HCN4: variants seen among roughly 807,000 people sequenced by gnomAD.
The protein encoded by HCN4 is hyperpolarization activated cyclic nucleotide gated potassium channel 4.
Under a neutral mutation model 76.9 loss-of-function variants are expected in HCN4, and 29 were observed. The observed-to-expected ratio is 0.38, with a 90% CI of 0.28 to 0.51. The LOEUF (loss-of-function observed/expected upper bound fraction) is 0.51, where lower values mean the gene tolerates loss of function less well. Among genes scored for constraint, HCN4 ranks in the 20% least tolerant of loss-of-function variants. The probability of loss-of-function intolerance (pLI) is 0.90; values close to 1 mark genes in which losing one functional copy is unlikely to be tolerated. For missense variants in HCN4, 1,416 were observed against 1,715.2 expected, an observed-to-expected ratio of 0.83 and a Z score of 3.08; for synonymous variants, 772 against 762.5, an observed-to-expected ratio of 1.01 and a Z score of -0.21.
chr15:73,352,898 G>T (rs952484750), intron 1 of HCN4, among the ~76,000 whole-genome samples: 1 of 152,184 alleles, frequency 6.6e-6, no homozygotes, highest in African/African-American at 2.4e-5. Flanking sequence ...GCTCCCCAAG[G>T]GCAGAAATGA....
chr15:73,346,951 G>A (rs756087584), intron 1 of HCN4, among the ~76,000 whole-genome samples: 35 of 152,178 alleles, frequency 2.3e-4, no homozygotes, highest in Non-Finnish European at 4.0e-4. Context: ...CCGTTCAGTG[G>A]GTTTAGCCAG....
In HCN4 at chr15:73,326,918, C is replaced by T. The variant is rs183556437; in HGVS notation, c.1591-1474G>A. Among the ~76,000 whole-genome samples, 515 of 151,842 alleles carry T rather than the reference C, an allele frequency of 3.4e-3. 2 individuals are homozygous for T. Among genetic ancestry groups the T allele is most frequent in the African/African-American group, 0.012 (492 of 41,444 alleles). The stretch of plus-strand genomic sequence containing the variant: ...TCTCCCATCTCAGCCTCCTAAACAG[C>T]TGGCACTATAGGCACATGCCACCAC... On this transcript the variant is annotated intron_variant, in intron 4 of 7. Coordinates refer to ENST00000261917, the MANE Select transcript of HCN4 (RefSeq NM_005477.3).
rs758405542 is a variant in HCN4, at chr15:73,354,778, CCAT to C, written c.786-10973_786-10971del. 3.3e-4 allele frequency among the ~76,000 whole-genome samples: 50 copies of C among 151,772 alleles called. No individual in the cohort carries two copies. In the East Asian group the frequency reaches 5.0e-3, roughly 15 times the overall value. ...GCCATTATCCCCATCATCATCATCC[CCAT>C]CATCATCATCATCATCATCATTCTA... On this transcript the variant is annotated intron_variant, in intron 1 of 7. Transcript: ENST00000261917.
intron 7 of HCN4, 51 bp from the exon 8 acceptor site, chr15:73,324,000 C>T: frequency 6.2e-7 from 1 of 1,611,536 alleles, no homozygotes; most frequent in Middle Eastern, 1.7e-4. Context: ...GGAAGGAGAT[C>T]AGGTGCAGAC....
At chr15:73,332,327 G>T in intron 2 of HCN4, 35 bp from the exon 3 acceptor site, 1 of 1,611,600 alleles carries the variant, frequency 6.2e-7, no homozygotes, top group Non-Finnish European at 8.5e-7. Context: ...GCTGGGATAG[G>T]TGAGTGGCCA....
At chr15:73,345,784 T>C (rs1383680136) in intron 1 of HCN4, among the ~76,000 whole-genome samples, 1 of 152,160 alleles carries the variant, frequency 6.6e-6, no homozygotes, top group African/African-American at 2.4e-5. Flanking sequence ...TAACTGTGCA[T>C]AGAAAGGCCA....
At chr15:73,324,392 A>G (rs2151215156) in intron 6 of HCN4, 139 bp from the exon 7 acceptor site, 1 of 881,960 alleles carries the variant, frequency 1.1e-6, no homozygotes, top group East Asian at 2.7e-5. Context: ...GACTGCGGCC[A>G]CACTGGATGC....
rs1326406246 is a variant in HCN4 at position 73,323,587 on chromosome 15, CAGA to C, written c.2503_2505del (p.Ser835del). ...CTGGCGGGCGAGGCGGAGCCCAGCG[CAGA>C]AGGGATCAGGGACTGCAGCCGTTTC... is the stretch of plus-strand genomic sequence containing the variant. On this transcript the variant is annotated inframe_deletion, in exon 8 of 8. Coordinates refer to ENST00000261917, the MANE Select transcript of HCN4 (RefSeq NM_005477.3). The C allele has an allele frequency of 1.2e-6, 2 of 1,601,204 alleles. No individual in the cohort carries two copies. The highest frequency in any genetic ancestry group is 1.7e-6 in the Non-Finnish European group (2 of 1,179,774).
Position 73,322,957 on chromosome 15 carries a change from A to T in HCN4, c.3136T>A (p.Ser1046Thr). 1 of 1,399,492 alleles carries T rather than the reference A, an allele frequency of 7.1e-7. No homozygotes were observed. 86.7% of individuals were successfully genotyped at this position (1,399,492 alleles called of 1,614,324 possible). Residue 1046 changes from serine to threonine, a missense_variant, in exon 8 of 8, where the codon TCT becomes ACT. Physicochemically the swap from Ser to Thr is moderately conservative, Grantham distance 58. Coordinates refer to ENST00000261917, the MANE Select transcript of HCN4 (RefSeq NM_005477.3). ...AGGAGCAAGGATCCGTGGGAGCCAG[A>T]GGCCCGGGGCGGGGCACTCGGGAAG... Reference protein sequence around the residue: ...RTFPSAPPRASGSHGSLLLPP... With the variant: ...RTFPSAPPRATGSHGSLLLPP...
At chr15:73,337,078 C>T (rs1008625598) in intron 2 of HCN4, among the ~76,000 whole-genome samples, 13 of 152,346 alleles carry the variant, frequency 8.5e-5, no homozygotes, top group African/African-American at 3.1e-4. Flanking sequence ...CATCTGCCTG[C>T]GTGCTGCCTC....
At chr15:73,339,512 G>A (rs1057227799) in intron 2 of HCN4, among the ~76,000 whole-genome samples, 1 of 152,202 alleles carries the variant, frequency 6.6e-6, no homozygotes, top group African/African-American at 2.4e-5. Flanking sequence ...TTCACGTTCC[G>A]TGAGCTACAA....
At position 73,367,676 on chromosome 15, in the gene HCN4, G is replaced by C. The variant is rs1055534495; in HGVS notation, c.595C>G (p.Gln199Glu). Residue 199 changes from glutamine to glutamate, a missense_variant, in exon 1 of 8, where the codon CAG becomes GAG. Gln to Glu is a conservative substitution (Grantham distance 29, BLOSUM62 2). Transcript: ENST00000261917. The surrounding 1 kb of genome is among the most constrained non-coding windows in gnomAD (Gnocchi z 7.5). ...KVEGGAAAGDQILPEAEVRLG... is the reference protein window; with the variant it reads ...KVEGGAAAGDEILPEAEVRLG... ...CGCACCTCGGCCTCCGGGAGGATCT[G>C]GTCGCCGGCAGCCGCGCCTCCCTCC... The C allele has an allele frequency of 1.9e-6, 3 of 1,603,752 alleles. No homozygotes were observed. The highest frequency in any genetic ancestry group is 2.5e-6 in the Non-Finnish European group (3 of 1,179,220).
intron 1 of HCN4, among the ~76,000 whole-genome samples, chr15:73,346,064 C>T (rs1168722251): frequency 6.6e-6 from 1 of 152,248 alleles, no homozygotes; most frequent in Non-Finnish European, 1.5e-5. Context: ...CGCACTCTGA[C>T]TAATGGTTTC....
At chr15:73,347,784 G>A (rs2043035921) in intron 1 of HCN4, among the ~76,000 whole-genome samples, 1 of 152,126 alleles carries the variant, frequency 6.6e-6, no homozygotes, top group Non-Finnish European at 1.5e-5. Context: ...TCCTGGAGTT[G>A]GCACGTGCCT....
In HCN4 at chr15:73,322,354, T is replaced by C. The variant is rs41277726; in HGVS notation, c.*127A>G. On this transcript the variant is annotated 3_prime_UTR_variant, in exon 8 of 8. Coordinates refer to ENST00000261917, the MANE Select transcript of HCN4 (RefSeq NM_005477.3). ...CCTGGTTATTTTCTGCTGTCTTTTGTTTTTCTGGTGTGTGTGGTTTTTTAA... is the reference window on the plus strand; with the variant it reads ...CCTGGTTATTTTCTGCTGTCTTTTGCTTTTCTGGTGTGTGTGGTTTTTTAA... 8,320 of 872,052 alleles carry C rather than the reference T, an allele frequency of 9.5e-3. 56 individuals carry two copies. Among genetic ancestry groups the C allele is most frequent in the Non-Finnish European group, 0.012 (6,605 of 540,458 alleles). The allele number at this position is 872,052 out of a possible 1,614,324, so 54.0% of individuals were successfully genotyped here.
rs2042915887 is a variant in HCN4 at position 73,328,958 on chromosome 15, G to A, written c.1590+615C>T. Among the ~76,000 whole-genome samples, 4 of 152,198 alleles carry A rather than the reference G, an allele frequency of 2.6e-5. No individual in the cohort carries two copies. Among genetic ancestry groups the A allele is most frequent in the African/African-American group, 4.8e-5 (2 of 41,462 alleles). The stretch of plus-strand genomic sequence containing the variant: ...TTCTCATTACAGACATGAGGGGCGT[G>A]GGGTGTCCAGAGAGGGATGAAATAA... On this transcript the variant is annotated intron_variant, in intron 4 of 7. Coordinates refer to ENST00000261917, the MANE Select transcript of HCN4 (RefSeq NM_005477.3). This position sits in a 1 kb window ranked among gnomAD's most constrained non-coding sequence, Gnocchi z 4.0.
intron 1 of HCN4, among the ~76,000 whole-genome samples, chr15:73,354,723 C>T (rs1211431146): frequency 6.6e-6 from 1 of 152,186 alleles, no homozygotes; most frequent in East Asian, 1.9e-4. Context: ...TTACAATATG[C>T]TATATGGCAT....
intron 1 of HCN4, among the ~76,000 whole-genome samples, chr15:73,353,458 G>A (rs2043063924): frequency 6.6e-6 from 1 of 152,202 alleles, no homozygotes; most frequent in Non-Finnish European, 1.5e-5. Flanking sequence ...TGAAGAGCAG[G>A]TGTAATAGGC....
intron 1 of HCN4, among the ~76,000 whole-genome samples, chr15:73,360,004 C>G (rs933706126): frequency 3.3e-5 from 5 of 152,176 alleles, no homozygotes; most frequent in Admixed American, 6.5e-5. Context: ...GAGCTGGCAT[C>G]CCAGCCCAGC....
Sources: gnomAD v4.1 joint callset for allele counts (sites outside exome capture counted in the v4.1 genomes callset) on GRCh38, gnomAD v4.1.1 for gene constraint, Gnocchi (gnomAD v3.1) non-coding constraint, MANE v1.5 for transcripts, NCBI Gene and HGNC (gene_info 2026-07-23, HGNC 2026-07-21) for gene names.